Variants in ANO3 observed in about 807,000 individuals in gnomAD.
The protein encoded by ANO3 is anoctamin-3.
Under a neutral mutation model 144.8 loss-of-function variants are expected in ANO3, and 99 were observed. The observed-to-expected ratio is 0.68, with a 90% CI of 0.58 to 0.81. The LOEUF (loss-of-function observed/expected upper bound fraction) is 0.81. ANO3 is among the 30% of genes least tolerant of loss of function. The pLI, the probability that ANO3 is intolerant of heterozygous loss-of-function variation, is 0.00. For synonymous variants in ANO3, 414 were observed against 392.6 expected, an observed-to-expected ratio of 1.05 and a Z score of -0.64; for missense variants, 905 against 1,202.2, an observed-to-expected ratio of 0.75 and a Z score of 3.66.
exon 1 of ANO3, chr11:26,189,099 A>AT (rs56114558): frequency 0.053 from 33,561 of 632,162 alleles, 1,028 homozygotes; most frequent in Middle Eastern, 0.072. Context: ...GAATACTGTG[A>AT]TTTTTTTTCC....
Position 26,609,331 on chromosome 11 carries a change from G to A in ANO3, c.1836+9617G>A, listed in dbSNP as rs564532881. Among the ~76,000 whole-genome samples, 9 of 77,464 alleles carry A rather than the reference G, an allele frequency of 1.2e-4. No homozygotes were observed. The South Asian group carries it at 3.5e-3, about 30-fold the overall frequency. The allele number at this position is 77,464 out of a possible 152,430, so 50.8% of individuals were successfully genotyped here. The stretch of plus-strand genomic sequence containing the variant: ...TGTAGGATTCACATGCTATTCACAT[G>A]CAGGATCACATGCAGGATTCACATG... On this transcript the variant is annotated intron_variant, in intron 17 of 26. Transcript: ENST00000256737.
chr11:26,345,364 G>C (rs1185948620), intron 1 of ANO3, among the ~76,000 whole-genome samples: 1 of 152,138 alleles, frequency 6.6e-6, no homozygotes, highest in Non-Finnish European at 1.5e-5. Context: ...AGACCAGCCT[G>C]GCCAACATGG....
In ANO3 at chr11:26,316,618, GTA is replaced by G. The variant is rs539321153; in HGVS notation, c.-3+6901_-3+6902del. Among the ~76,000 whole-genome samples, 63 of 152,286 alleles carry G rather than the reference GTA, an allele frequency of 4.1e-4. 1 individual carries two copies. Among genetic ancestry groups the G allele is most frequent in the African/African-American group, 1.5e-3 (61 of 41,568 alleles). On this transcript the variant is annotated intron_variant, in intron 1 of 26. Transcript: ENST00000525139. ...TTAGACCACAAATTCTCAGAAGGGA[GTA>G]TGTCTTAACCCTAAAGAGACCTACA... is the stretch of plus-strand genomic sequence containing the variant.
In ANO3 at chr11:26,544,273, T is replaced by TATATATATATATATATATATACAC; in HGVS notation, c.1154+2206_1154+2207insTATATATATATATATATATACACA. On this transcript the variant is annotated intron_variant, in intron 11 of 26. Transcript: ENST00000256737. ...ATACATATATATATATATATATATATACACACATACACACACACACACACA... is the reference window on the plus strand; with the variant it reads ...ATACATATATATATATATATATATATATATATATATATATATATATACACACACACATACACACACACACACACA... Among the ~76,000 whole-genome samples, 163 of 58,386 alleles carry TATATATATATATATATATATACAC rather than the reference T, an allele frequency of 2.8e-3. 1 individual carries two copies. The highest frequency in any genetic ancestry group is 5.9e-3 in the African/African-American group (116 of 19,732). 38.3% of individuals were successfully genotyped at this position (58,386 alleles called of 152,430 possible).
chr11:26,228,309 C>A (rs1852298510), intron 1 of ANO3, among the ~76,000 whole-genome samples: 1 of 152,216 alleles, frequency 6.6e-6, no homozygotes, highest in African/African-American at 2.4e-5. Flanking sequence ...GTATACATCA[C>A]AATTTATCCC....
chr11:26,292,738 C>T (rs888129248), intron 1 of ANO3, among the ~76,000 whole-genome samples: 9 of 152,140 alleles, frequency 5.9e-5, no homozygotes, highest in African/African-American at 2.2e-4. Context: ...GGGTATCTGG[C>T]TGCAGAACAG....
chr11:26,564,563 AT>A (rs1218260595), intron 14 of ANO3, among the ~76,000 whole-genome samples: 1 of 149,796 alleles, frequency 6.7e-6, no homozygotes, highest in Non-Finnish European at 1.5e-5. Flanking sequence ...AATGGAAAAG[AT>A]TGACATAATC....
intron 1 of ANO3, among the ~76,000 whole-genome samples, chr11:26,361,617 A>G (rs963833595): frequency 1.3e-5 from 2 of 152,166 alleles, no homozygotes; most frequent in Non-Finnish European, 2.9e-5. Flanking sequence ...TCAGCTGCCA[A>G]CTTTGGTGCT....
chr11:26,555,894 A>G (rs1428992494), intron 13 of ANO3, among the ~76,000 whole-genome samples: 2 of 152,174 alleles, frequency 1.3e-5, no homozygotes, highest in Non-Finnish European at 2.9e-5. Flanking sequence ...TCATCTGGAC[A>G]CATGATCTAG....
At chr11:26,612,085 T>A (rs1852116229) in intron 17 of ANO3, among the ~76,000 whole-genome samples, 1 of 152,152 alleles carries the variant, frequency 6.6e-6, no homozygotes, top group African/African-American at 2.4e-5. Flanking sequence ...AATTGGAGAA[T>A]TTGTTCCATT....
intron 4 of ANO3, among the ~76,000 whole-genome samples, chr11:26,474,884 G>T (rs896112969): frequency 6.6e-6 from 1 of 151,748 alleles, no homozygotes; most frequent in Non-Finnish European, 1.5e-5. Context: ...TCAGTGATGA[G>T]AAAAGTTCTA....
At chr11:26,535,937 T>G (rs1442577445) in intron 9 of ANO3, among the ~76,000 whole-genome samples, 1 of 151,938 alleles carries the variant, frequency 6.6e-6, no homozygotes, top group Admixed American at 6.6e-5. Context: ...AATTAATAAT[T>G]TATTTATTAC....
At chr11:26,214,527 T>C (rs1851999432) in intron 1 of ANO3, among the ~76,000 whole-genome samples, 2 of 151,986 alleles carry the variant, frequency 1.3e-5, no homozygotes, top group African/African-American at 4.8e-5. Context: ...TCAGAAATAG[T>C]TTGACTTCCC....
In ANO3 at chr11:26,288,875, G is replaced by C. The variant is rs529663864; in HGVS notation, c.155-20770G>C. ...AATGTCCCTCTGGGAAGCTACAATA[G>C]GTGGATAAAGTACAATATCCAGATT... On this transcript the variant is annotated intron_variant, in intron 1 of 27. Transcript: ENST00000672621. Among the ~76,000 whole-genome samples, 27 of 152,128 alleles carry C rather than the reference G, an allele frequency of 1.8e-4. No homozygotes were observed. In the East Asian group the frequency reaches 5.2e-3, roughly 29 times the overall value.
At chr11:26,329,778 C>G (rs1054199822), upstream of ANO3, among the ~76,000 whole-genome samples, 1 of 151,882 alleles carries the variant, frequency 6.6e-6, no homozygotes, top group African/African-American at 2.4e-5. Context: ...AAAGGTGATA[C>G]CTGTGCCTAG....
intron 14 of ANO3, among the ~76,000 whole-genome samples, chr11:26,567,913 CATGTAT>C (rs1448028911): frequency 6.6e-6 from 1 of 151,888 alleles, no homozygotes; most frequent in East Asian, 1.9e-4. Context: ...TGTGTGATTT[CATGTAT>C]ATAAAGTTCA....
chr11:26,425,760 T>C (rs556028144), intron 1 of ANO3, among the ~76,000 whole-genome samples: 1 of 152,218 alleles, frequency 6.6e-6, no homozygotes, highest in African/African-American at 2.4e-5. Flanking sequence ...GTGGTGGAAG[T>C]AAATGTATCT....
chr11:26,280,873 A>G (rs1853662823), intron 1 of ANO3, among the ~76,000 whole-genome samples: 1 of 152,220 alleles, frequency 6.6e-6, no homozygotes, highest in South Asian at 2.1e-4. Context: ...GCCTCTGCAC[A>G]AAAGCAGTAA....
chr11:26,244,189 G>A (rs898683224), intron 1 of ANO3, among the ~76,000 whole-genome samples: 7 of 151,916 alleles, frequency 4.6e-5, no homozygotes, highest in Non-Finnish European at 1.0e-4. Flanking sequence ...TGAGGCTTGG[G>A]AACTACTATC....
Sources: allele counts gnomAD v4.1 joint callset (sites outside exome capture counted in the v4.1 genomes callset), GRCh38; gene constraint gnomAD v4.1.1; transcripts MANE v1.5; gene names NCBI Gene and HGNC (gene_info 2026-07-23, HGNC 2026-07-21).